CMPK2: variants seen among roughly 807,000 people sequenced by gnomAD.
CMPK2 encodes UMP-CMP kinase 2, mitochondrial.
In CMPK2, 32 loss-of-function variants were observed where a neutral mutation model predicts 33.4. That is an observed-to-expected ratio of 0.96 (90% CI 0.72 to 1.29). The LOEUF (loss-of-function observed/expected upper bound fraction) is 1.29. Among genes scored for constraint, CMPK2 ranks in the 50% most tolerant of loss-of-function variants. The pLI, the probability that CMPK2 is intolerant of heterozygous loss-of-function variation, is 0.00. For synonymous variants in CMPK2, 299 were observed against 275.3 expected (o/e 1.09, Z -0.85); for missense variants, 672 against 616.0 (o/e 1.09, Z -0.96).
At chr2:6,863,651 C>A (rs554857251) in intron 1 of CMPK2, 73 bp from the exon 2 acceptor site, 225 of 1,059,900 alleles carry the variant, frequency 2.1e-4, no homozygotes, top group Non-Finnish European at 3.1e-4. Context: ...AATTGCTGAG[C>A]ACAATATTGC....
downstream of CMPK2, among the ~76,000 whole-genome samples, chr2:6,848,038 G>T (rs143998296): frequency 1.3e-5 from 2 of 152,144 alleles, no homozygotes; most frequent in Admixed American, 6.5e-5. Context: ...CAAAATACTC[G>T]TAAGTCATAT....
downstream of CMPK2, among the ~76,000 whole-genome samples, chr2:6,847,027 G>A (rs1312129880): frequency 2.6e-5 from 4 of 152,104 alleles, no homozygotes; most frequent in African/African-American, 7.2e-5. Context: ...TTTAATAAGC[G>A]AAAAAAGAAA....
Position 6,851,460 on chromosome 2 carries a change from A to T in CMPK2, c.1216T>A (p.Phe406Ile). 4.3e-6 allele frequency: 7 copies of T among 1,614,204 alleles called. No homozygotes were observed. Among genetic ancestry groups the T allele is most frequent in the Non-Finnish European group, 5.9e-6 (7 of 1,180,042 alleles). Residue 406 changes from phenylalanine (F) to isoleucine (I), a missense_variant, in exon 4 of 5, where the codon TTT (phenylalanine) becomes ATT (isoleucine). By Grantham distance (21) the Phe-to-Ile change is conservative (BLOSUM62 0). Transcript: ENST00000256722. ...CACTGGGACACCTACTTTTGACGAA[A>T]CACACTGTTGGCCTCAAGTTCTGCT... is the stretch of plus-strand genomic sequence containing the variant. ...EEAELEANSV[F>I]RQKVEMSYQR... is the part of the protein sequence containing the mutation.
chr2:6,841,625 G>GCCCAT (rs1381910794), intron 3 of CMPK2, among the ~76,000 whole-genome samples: 1 of 152,144 alleles, frequency 6.6e-6, no homozygotes, highest in African/African-American at 2.4e-5. Flanking sequence ...TCGAGAGGTG[G>GCCCAT]CCCATTCTAT....
chr2:6,861,114 ACACACACACACACC>A lies in CMPK2; in HGVS notation c.992+56_992+69del, dbSNP rs775061880. 4,118 of 1,236,316 alleles carry A rather than the reference ACACACACACACACC, an allele frequency of 3.3e-3. 115 individuals are homozygous for A. The highest frequency in any genetic ancestry group is 4.5e-3 in the African/African-American group (294 of 65,340). The allele number at this position is 1,236,316 out of a possible 1,614,324, so 76.6% of individuals were successfully genotyped here. A position where few individuals can be genotyped will look rare whatever the true frequency, so the allele number is the denominator to read the frequency against. ...CGTATACACACACACGCACACACACACACACACACACACCCACACACTTATATATTAGGGAGAAA... is the reference window on the plus strand; with the variant it reads ...CGTATACACACACACGCACACACACACACACACTTATATATTAGGGAGAAA... On this transcript the variant is annotated intron_variant, in intron 3 of 4. Coordinates refer to ENST00000256722, the MANE Select transcript of CMPK2 (RefSeq NM_207315.4).
At chr2:6,847,661 T>G (rs1054631558), downstream of CMPK2, among the ~76,000 whole-genome samples, 12 of 152,302 alleles carry the variant, frequency 7.9e-5, no homozygotes, top group African/African-American at 2.6e-4. Context: ...GCTAATTCCT[T>G]TTAGTGTCAT....
At chr2:6,865,914 T>C, upstream of CMPK2, 2 of 1,403,144 alleles carry the variant, frequency 1.4e-6, no homozygotes, top group African/African-American at 1.5e-5. Flanking sequence ...ATGTGCGCGA[T>C]AAACGGCCGG....
rs1663033752 is a variant in CMPK2, at chr2:6,865,307, G to A, written c.390C>T (p.Gly130=). 6.6e-7 allele frequency: 1 copy of A among 1,512,388 alleles called. No individual in the cohort carries two copies. The highest frequency in any genetic ancestry group is 1.4e-5 in the African/African-American group (1 of 69,358). 93.7% of individuals were successfully genotyped at this position (1,512,388 alleles called of 1,614,324 possible). The change falls in exon 1 of 5, where the codon GGC becomes GGT. Residue 130 remains glycine, a synonymous_variant. Transcript: ENST00000256722. ...CATCCAGGGGGTCGCGCAGCAGGAA[G>A]CCTTGCTGTGCGCCGCCGGCCTGGC... ...PGGQAGGAQQ[G]FLLRDPLDDP...
At chr2:6,844,023 A>G (rs1047235934), downstream of CMPK2, among the ~76,000 whole-genome samples, 1 of 152,182 alleles carries the variant, frequency 6.6e-6, no homozygotes, top group Non-Finnish European at 1.5e-5. Context: ...CTAGCAACCT[A>G]TATCTCCAGG....
intron 3 of CMPK2, among the ~76,000 whole-genome samples, chr2:6,859,940 G>A (rs1662824814): frequency 6.6e-6 from 1 of 152,218 alleles, no homozygotes; most frequent in Non-Finnish European, 1.5e-5. Context: ...AAGGAGGGGG[G>A]CTATACCCTG....
In CMPK2 at chr2:6,859,409, G is replaced by A. The variant is rs1662807145; in HGVS notation, c.992+1775C>T. Among the ~76,000 whole-genome samples, 3 of 152,156 alleles carry A rather than the reference G, an allele frequency of 2.0e-5. No homozygotes were observed. The South Asian group carries it at 6.2e-4, about 32-fold the overall frequency. ...TCTCGAGGGCATGTCAGAGACCTCT[G>A]CTGCTGCCCCTCCCATCACAGACCC... is the stretch of plus-strand genomic sequence containing the variant. On this transcript the variant is annotated intron_variant, in intron 3 of 4. Transcript: ENST00000256722.
At chr2:6,862,924 T>A (rs1662925548) in intron 2 of CMPK2, among the ~76,000 whole-genome samples, 1 of 152,218 alleles carries the variant, frequency 6.6e-6, no homozygotes, top group African/African-American at 2.4e-5. Flanking sequence ...GCCCCTTTTG[T>A]ACTTTGGTCT....
rs146914612 is a variant in CMPK2, at chr2:6,859,578, G to T, written c.992+1606C>A. ...AGCTCAGGCTCTTGATTCAGAGGGG[G>T]AAAGCCCCAAGCCTCGGCAGCTTCC... On this transcript the variant is annotated intron_variant, in intron 3 of 4. Coordinates refer to ENST00000256722, the MANE Select transcript of CMPK2 (RefSeq NM_207315.4). Among the ~76,000 whole-genome samples the T allele has an allele frequency of 1.4e-3, 220 of 152,314 alleles. 5 individuals are homozygous for T. In the East Asian group the frequency reaches 0.039, roughly 27 times the overall value.
chr2:6,861,769 C>T (rs2103227424), intron 2 of CMPK2, among the ~76,000 whole-genome samples: 1 of 152,334 alleles, frequency 6.6e-6, no homozygotes, highest in Middle Eastern at 3.4e-3. Context: ...CTTCTCGCCC[C>T]TCCTCTCTTT....
In CMPK2 at chr2:6,851,467, G is replaced by A. The variant is rs535211847; in HGVS notation, c.1209C>T (p.Asn403=). The A allele has an allele frequency of 1.3e-4, 202 of 1,614,110 alleles. No homozygotes were observed. The highest frequency in any genetic ancestry group is 1.7e-4 in the Non-Finnish European group (198 of 1,180,046). ...ACACCTACTTTTGACGAAACACACT[G>A]TTGGCCTCAAGTTCTGCTTCTTCCC... The part of the protein sequence containing the change: ...KTREEAELEA[N]SVFRQKVEMS... The change falls in exon 4 of 5, where the codon AAC becomes AAT. Residue 403 remains asparagine (N), a synonymous_variant. Transcript: ENST00000256722.
At chr2:6,846,850 CTGA>C (rs889095903), downstream of CMPK2, among the ~76,000 whole-genome samples, 3 of 152,226 alleles carry the variant, frequency 2.0e-5, no homozygotes, top group Non-Finnish European at 2.9e-5. Context: ...AATCATCCTT[CTGA>C]TGAATTCCCT....
intron 2 of CMPK2, chr2:6,862,177 T>C (rs953150606): frequency 6.6e-6 from 1 of 152,262 alleles, no homozygotes; most frequent in South Asian, 2.1e-4. Context: ...ATTTTCTTTT[T>C]TTCTTAGGTT....
At chr2:6,854,740 A>C (rs1172641863) in intron 3 of CMPK2, among the ~76,000 whole-genome samples, 1 of 152,224 alleles carries the variant, frequency 6.6e-6, no homozygotes, top group Non-Finnish European at 1.5e-5. Context: ...TACACTGCTC[A>C]TATAATAATG....
intron 3 of CMPK2, among the ~76,000 whole-genome samples, chr2:6,858,169 C>T (rs1437822155): frequency 6.6e-6 from 1 of 151,704 alleles, no homozygotes; most frequent in Non-Finnish European, 1.5e-5. Context: ...AGATTTCTTT[C>T]TCCACAGTGC....
Sources: allele counts gnomAD v4.1 joint callset (sites outside exome capture counted in the v4.1 genomes callset), GRCh38; gene constraint gnomAD v4.1.1; transcripts MANE v1.5; gene names NCBI Gene and HGNC (gene_info 2026-07-23, HGNC 2026-07-21).